USH2A: variants seen among roughly 807,000 people sequenced by gnomAD.
USH2A encodes Usher syndrome 2A (autosomal recessive, mild).
In USH2A, 443 loss-of-function variants were observed where a neutral mutation model predicts 538.9. The ratio of observed to expected loss-of-function variants is 0.82; its 90% CI spans 0.76 to 0.89. The LOEUF (loss-of-function observed/expected upper bound fraction) is 0.89, where lower values mean the gene tolerates loss of function less well. USH2A is among the 40% of genes least tolerant of loss of function. USH2A has a pLI of 0.00. For missense variants in USH2A, 6,633 were observed against 6,324.8 expected (o/e 1.05, Z -1.65); for synonymous variants, 2,413 against 2,273.5 (o/e 1.06, Z -1.75).
Position 215,676,727 on chromosome 1 carries a change from C to T in USH2A, c.12295-1111G>A, listed in dbSNP as rs537255553. On this transcript the variant is annotated intron_variant, in intron 62 of 71. Transcript: ENST00000307340. ...CCACCCCCATGTGGGAAGGGGACTG[C>T]CATATCTTCTGAAGGGAGCATAGGT... Among the ~76,000 whole-genome samples, 3 of 152,272 alleles carry T rather than the reference C, an allele frequency of 2.0e-5. No individual in the cohort carries two copies. The South Asian group carries it at 6.2e-4, about 32-fold the overall frequency.
intron 3 of USH2A, among the ~76,000 whole-genome samples, chr1:216,393,256 A>G (rs2039141963): frequency 6.6e-6 from 1 of 152,200 alleles, no homozygotes; most frequent in South Asian, 2.1e-4. Context: ...AACAAAAACA[A>G]TTCTCCTCCA....
intron 21 of USH2A, among the ~76,000 whole-genome samples, chr1:216,126,917 A>G (rs2033265636): frequency 1.3e-5 from 2 of 152,216 alleles, no homozygotes; most frequent in Admixed American, 1.3e-4. Context: ...TAGCTGGAAT[A>G]AGTTCTACTT....
At chr1:215,923,442 G>A (rs1281520580) in intron 38 of USH2A, among the ~76,000 whole-genome samples, 6 of 151,970 alleles carry the variant, frequency 3.9e-5, no homozygotes, top group Admixed American at 1.3e-4. Context: ...AAATTGAGCC[G>A]AATCCCATAT....
chr1:215,628,972 C>T lies in USH2A; in HGVS notation c.15361G>A (p.Ala5121Thr). The T allele has an allele frequency of 6.2e-7, 1 of 1,614,036 alleles. No individual in the cohort carries two copies. Among genetic ancestry groups the T allele is most frequent in the Non-Finnish European group, 8.5e-7 (1 of 1,180,034 alleles). The change falls in exon 71 of 72, where the codon GCA (alanine) becomes ACA (threonine). Residue 5121 changes from alanine to threonine, a missense_variant. By Grantham distance (58) the Ala-to-Thr change is moderately conservative. Transcript: ENST00000307340. ...TPVSIRSNRS[A>T]CVLRIPSQNQ... Reference sequence around the variant, plus strand: ...TGACTCGGGATGCGCAGGACACATGCACTCCGGTTGCTGCGGATACTCACA... The same window carrying T: ...TGACTCGGGATGCGCAGGACACATGTACTCCGGTTGCTGCGGATACTCACA...
intron 9 of USH2A, among the ~76,000 whole-genome samples, chr1:216,305,882 G>C (rs973705858): frequency 1.1e-4 from 17 of 152,158 alleles, no homozygotes; most frequent in South Asian, 8.3e-4. Flanking sequence ...GAAATCTGCT[G>C]TTAATCTGAC....
At chr1:216,235,371 GACA>G (rs773164419) in intron 13 of USH2A, among the ~76,000 whole-genome samples, 4 of 152,074 alleles carry the variant, frequency 2.6e-5, no homozygotes, top group Non-Finnish European at 4.4e-5. Context: ...TGGTCATTAG[GACA>G]ACATTATTAC....
chr1:215,733,706 C>T (rs1446040372), intron 60 of USH2A, among the ~76,000 whole-genome samples: 2 of 152,182 alleles, frequency 1.3e-5, no homozygotes, highest in Non-Finnish European at 2.9e-5. Flanking sequence ...CCTATAGGGC[C>T]CACACAAGTC....
intron 58 of USH2A, among the ~76,000 whole-genome samples, chr1:215,757,678 C>T (rs1660851965): frequency 2.0e-5 from 3 of 152,188 alleles, no homozygotes; most frequent in Middle Eastern, 3.2e-3. Flanking sequence ...CTTTACTCCA[C>T]AGTATTAATG....
intron 26 of USH2A, among the ~76,000 whole-genome samples, chr1:216,082,052 G>T (rs2031966823): frequency 6.6e-6 from 1 of 152,028 alleles, no homozygotes; most frequent in Admixed American, 6.6e-5. Context: ...TCCTCAAGAG[G>T]AGGAGCCAAA....
At chr1:215,866,668 G>C (rs1207824846) in intron 44 of USH2A, among the ~76,000 whole-genome samples, 2 of 152,170 alleles carry the variant, frequency 1.3e-5, no homozygotes, top group African/African-American at 4.8e-5. Context: ...CAATTGCCTG[G>C]TATGATAGAA....
chr1:216,080,269 GA>G (rs1418905690), intron 26 of USH2A, among the ~76,000 whole-genome samples: 2 of 152,036 alleles, frequency 1.3e-5, no homozygotes, highest in African/African-American at 4.8e-5. Context: ...TCTTGTAGTA[GA>G]AAATAGTTCT....
rs188245284 is a variant in USH2A, at chr1:215,678,733, C to T, written c.12294+1416G>A. On this transcript the variant is annotated intron_variant, in intron 62 of 71. Coordinates refer to ENST00000307340, the MANE Select transcript of USH2A (RefSeq NM_206933.4). ...ACACAGACACACACACACACACACACGCACGTGCACTCACACACGGTCTGT... is the reference window on the plus strand; with the variant it reads ...ACACAGACACACACACACACACACATGCACGTGCACTCACACACGGTCTGT... Among the ~76,000 whole-genome samples the T allele has an allele frequency of 9.8e-4, 148 of 151,502 alleles. 1 individual carries two copies. Among genetic ancestry groups the T allele is most frequent in the African/African-American group, 2.6e-3 (106 of 41,448 alleles).
intron 11 of USH2A, among the ~76,000 whole-genome samples, chr1:216,269,769 G>A (rs2036540167): frequency 6.6e-6 from 1 of 152,070 alleles, no homozygotes; most frequent in African/African-American, 2.4e-5. Flanking sequence ...CACCATTTTG[G>A]ACCATGCAGC....
At chr1:215,934,427 A>T in intron 38 of USH2A, among the ~76,000 whole-genome samples, 189 bp downstream of exon 38, 1 of 152,024 alleles carries the variant, frequency 6.6e-6, no homozygotes, top group East Asian at 1.9e-4. Context: ...TCAACAAAAC[A>T]ATAAAAGATC....
intron 54 of USH2A, 68 bp downstream of exon 54, chr1:215,781,974 C>T: frequency 6.2e-7 from 1 of 1,606,796 alleles, no homozygotes; most frequent in East Asian, 2.2e-5. Flanking sequence ...AAAGCAGTCA[C>T]AACCTGGATG....
intron 14 of USH2A, among the ~76,000 whole-genome samples, chr1:216,221,258 G>A (rs2035452938): frequency 6.6e-6 from 1 of 152,096 alleles, no homozygotes; most frequent in Non-Finnish European, 1.5e-5. Flanking sequence ...CCAGGGAATG[G>A]ACAGTTTTCT....
At chr1:215,989,766 G>A (rs767627599) in intron 35 of USH2A, among the ~76,000 whole-genome samples, 9 of 151,922 alleles carry the variant, frequency 5.9e-5, no homozygotes, top group Non-Finnish European at 1.2e-4. Context: ...AGGAGAAAGA[G>A]CAAGCAGAGA....
At position 216,217,517 on chromosome 1, in the gene USH2A, G is replaced by A. The variant is rs1466798179; in HGVS notation, c.3027C>T (p.Ala1009=). 2 of 1,613,140 alleles carry A rather than the reference G, an allele frequency of 1.2e-6. No homozygotes were observed. The highest frequency in any genetic ancestry group is 3.3e-5 in the Admixed American group (2 of 59,942). The change falls in exon 15 of 72, where the codon GCC becomes GCT. Residue 1009 remains alanine, a synonymous_variant. Coordinates refer to ENST00000307340, the MANE Select transcript of USH2A (RefSeq NM_206933.4). ...CQPCNCHLSG[A]LNETCHLVTG... ...TGACCAAGTGACAGGTTTCATTCAAGGCTCCTGAGAGATGACAATTACAAG... is the reference window on the plus strand; with the variant it reads ...TGACCAAGTGACAGGTTTCATTCAAAGCTCCTGAGAGATGACAATTACAAG...
At chr1:216,039,158 G>A (rs920540084) in intron 32 of USH2A, among the ~76,000 whole-genome samples, 8 of 151,906 alleles carry the variant, frequency 5.3e-5, no homozygotes, top group African/African-American at 1.7e-4. Flanking sequence ...TTGACCCTTT[G>A]TTGCTCGATG....
Sources: allele counts gnomAD v4.1 joint callset (sites outside exome capture counted in the v4.1 genomes callset), GRCh38; gene constraint gnomAD v4.1.1; transcripts MANE v1.5; gene names NCBI Gene and HGNC (gene_info 2026-07-23, HGNC 2026-07-21).